Variants in PPP1R42 observed in about 807,000 individuals in gnomAD.
PPP1R42 encodes the protein protein phosphatase 1 regulatory subunit 42.
PPP1R42 carries 34 observed loss-of-function variants against 31.0 expected under a neutral mutation model. That is an observed-to-expected ratio of 1.10 (90% confidence interval 0.83 to 1.46). The LOEUF (loss-of-function observed/expected upper bound fraction) is 1.46, where lower values mean the gene tolerates loss of function less well. Ranked by LOEUF, PPP1R42 falls within the 40% of genes most tolerant of loss-of-function variation. The pLI is 0.00. For missense variants in PPP1R42, 268 were observed against 303.0 expected (o/e 0.88, Z 0.86); for synonymous variants, 103 against 109.8 (o/e 0.94, Z 0.39).
At chr8:67,011,753 T>C (rs893270585) in intron 4 of PPP1R42, among the ~76,000 whole-genome samples, 2 of 152,164 alleles carry the variant, frequency 1.3e-5, no homozygotes, top group Non-Finnish European at 2.9e-5. Flanking sequence ...CAGGAATCTC[T>C]ACCAAGATGG....
rs987553557 is a variant in PPP1R42 at position 66,966,641 on chromosome 8, C to T, written c.803-2307G>A. ...TCTACTAAAAACACAAAAAACTGGC[C>T]GGGCGTGGTGGCAGGCGCCTGTAGT... On this transcript the variant is annotated intron_variant, in intron 7 of 7. Coordinates refer to ENST00000685739, the MANE Select transcript of PPP1R42 (RefSeq NM_001364910.1). Among the ~76,000 whole-genome samples, 9 of 151,924 alleles carry T rather than the reference C, an allele frequency of 5.9e-5. No individual in the cohort carries two copies. In the East Asian group the frequency reaches 7.8e-4, roughly 13 times the overall value.
chr8:67,003,864 G>A (rs1337572911), intron 5 of PPP1R42, among the ~76,000 whole-genome samples: 2 of 152,322 alleles, frequency 1.3e-5, no homozygotes, highest in East Asian at 3.9e-4. Context: ...GCCAAGGCGG[G>A]TGGATCACAA....
At chr8:66,998,605 T>G (rs1815398841) in intron 5 of PPP1R42, among the ~76,000 whole-genome samples, 1 of 152,246 alleles carries the variant, frequency 6.6e-6, no homozygotes, top group South Asian at 2.1e-4. Flanking sequence ...TAATGTGGTA[T>G]AGCAAACATC....
At chr8:66,998,435 G>A (rs998594457) in intron 5 of PPP1R42, among the ~76,000 whole-genome samples, 1 of 152,162 alleles carries the variant, frequency 6.6e-6, no homozygotes, top group Admixed American at 6.5e-5. Context: ...CACTCCATAA[G>A]TTCTAATAGC....
At chr8:66,997,419 C>G (rs1055217820) in intron 5 of PPP1R42, among the ~76,000 whole-genome samples, 12 of 151,922 alleles carry the variant, frequency 7.9e-5, no homozygotes, top group Admixed American at 2.0e-4. Context: ...CTCACCTCAG[C>G]CTCCTGAGTA....
chr8:67,014,328 G>T, intron 3 of PPP1R42, 98 bp downstream of exon 3: 1 of 623,262 alleles, frequency 1.6e-6, no homozygotes. Context: ...ATTTACTTTT[G>T]GAATTTAATG....
chr8:66,978,517 T>A (rs1814738670), intron 7 of PPP1R42, among the ~76,000 whole-genome samples: 1 of 152,060 alleles, frequency 6.6e-6, no homozygotes, highest in Non-Finnish European at 1.5e-5. Context: ...GCCTCCTGGG[T>A]TCAAGCGATT....
intron 6 of PPP1R42, among the ~76,000 whole-genome samples, chr8:66,987,416 C>T (rs1247666276): frequency 6.6e-6 from 1 of 151,586 alleles, no homozygotes; most frequent in Non-Finnish European, 1.5e-5. Context: ...CTCAGCCTCC[C>T]GAGTAGCTGA....
chr8:66,979,052 A>T (rs1814754159), intron 7 of PPP1R42, among the ~76,000 whole-genome samples: 1 of 152,042 alleles, frequency 6.6e-6, no homozygotes, highest in Non-Finnish European at 1.5e-5. Flanking sequence ...GAAGCTTTTT[A>T]GTTTGACATA....
At chr8:66,978,577 C>T (rs985979584) in intron 7 of PPP1R42, among the ~76,000 whole-genome samples, 1 of 152,148 alleles carries the variant, frequency 6.6e-6, no homozygotes, top group African/African-American at 2.4e-5. Flanking sequence ...TGCACCACCC[C>T]TGGCTAACTT....
intron 5 of PPP1R42, among the ~76,000 whole-genome samples, chr8:67,001,277 C>T (rs1158610867): frequency 6.7e-6 from 1 of 148,550 alleles, no homozygotes; most frequent in African/African-American, 2.5e-5. Flanking sequence ...TCTCGAACTC[C>T]TGGGCTCAAG....
chr8:67,014,005 C>T (rs142172541), intron 3 of PPP1R42, among the ~76,000 whole-genome samples: 32 of 152,208 alleles, frequency 2.1e-4, no homozygotes, highest in African/African-American at 4.6e-4. Flanking sequence ...AATTATATGA[C>T]GCAGATGGTA....
chr8:66,970,009 C>T (rs1479896249), intron 7 of PPP1R42, among the ~76,000 whole-genome samples: 3 of 152,130 alleles, frequency 2.0e-5, no homozygotes, highest in African/African-American at 4.8e-5. Context: ...CCCCAGCTAG[C>T]TTGTGGCAAA....
chr8:66,992,724 A>G (rs1421226870), intron 5 of PPP1R42, among the ~76,000 whole-genome samples: 2 of 152,200 alleles, frequency 1.3e-5, no homozygotes, highest in African/African-American at 2.4e-5. Flanking sequence ...TGCCTTCTCT[A>G]TTTATACTTA....
chr8:66,985,499 T>G, intron 6 of PPP1R42: 1 of 1,132,554 alleles, frequency 8.8e-7, no homozygotes, highest in Non-Finnish European at 1.3e-6. Flanking sequence ...AACTCCCCCT[T>G]TGGGGAAGCA....
At chr8:66,990,338 CT>C (rs1815154182) in intron 5 of PPP1R42, among the ~76,000 whole-genome samples, 1 of 152,100 alleles carries the variant, frequency 6.6e-6, no homozygotes, top group Admixed American at 6.5e-5. Flanking sequence ...GTTAATTGTT[CT>C]TTACTTGATA....
intron 5 of PPP1R42, among the ~76,000 whole-genome samples, chr8:66,988,794 A>G (rs748329140): frequency 1.3e-5 from 2 of 152,210 alleles, no homozygotes; most frequent in African/African-American, 2.4e-5. Flanking sequence ...GCAGCTCAGA[A>G]AAAACTTTTT....
At chr8:67,006,363 T>C (rs906512164) in intron 5 of PPP1R42, among the ~76,000 whole-genome samples, 3 of 152,176 alleles carry the variant, frequency 2.0e-5, no homozygotes, top group Admixed American at 6.5e-5. Context: ...TTATCCAGTC[T>C]GGAGTGCAGT....
At chr8:67,003,389 C>CTTT (rs5892069) in intron 5 of PPP1R42, among the ~76,000 whole-genome samples, 4 of 32,876 alleles carry the variant, frequency 1.2e-4, no homozygotes, top group Non-Finnish European at 2.2e-4. Flanking sequence ...TTTCATGCTT[C>CTTT]TTTTTTTTTT....
Sources: allele counts gnomAD v4.1 joint callset (sites outside exome capture counted in the v4.1 genomes callset), GRCh38; gene constraint gnomAD v4.1.1; transcripts MANE v1.5; gene names NCBI Gene and HGNC (gene_info 2026-07-23, HGNC 2026-07-21).